Variants in SAMD11 observed in about 807,000 individuals in gnomAD.
SAMD11 encodes sterile alpha motif domain containing 11.
Under a neutral mutation model 64.4 loss-of-function variants are expected in SAMD11, and 77 were observed. That is an observed-to-expected ratio of 1.20 (90% CI 0.99 to 1.44). The LOEUF is 1.44. Among genes scored for constraint, SAMD11 ranks in the 40% most tolerant of loss-of-function variants. The probability of loss-of-function intolerance (pLI) is 0.00; values close to 1 mark genes in which losing one functional copy is unlikely to be tolerated. For synonymous variants in SAMD11, 658 were observed against 421.9 expected, an observed-to-expected ratio of 1.56 and a Z score of -6.86; for missense variants, 1,402 against 943.3, an observed-to-expected ratio of 1.49 and a Z score of -6.37.
intron 4 of SAMD11, among the ~76,000 whole-genome samples, chr1:933,943 T>C (rs13303207): frequency 0.95 from 73,905 of 77,414 alleles, 35,376 homozygotes; most frequent in Middle Eastern, 1. Flanking sequence ...GGTAGGCTCC[T>C]AGGTCACTGC....
Position 942,162 on chromosome 1 carries a change from T to C in SAMD11, c.1385T>C (p.Leu462Pro). 1 of 1,420,270 alleles carries C rather than the reference T, an allele frequency of 7.0e-7. No individual in the cohort carries two copies. The highest frequency in any genetic ancestry group is 9.3e-7 in the Non-Finnish European group (1 of 1,073,840). 88.0% of individuals were successfully genotyped at this position (1,420,270 alleles called of 1,614,324 possible). A position where few individuals can be genotyped will look rare whatever the true frequency, so the allele number is the denominator to read the frequency against. ...GAGCTGCCTCAGCCGCCCCCCTTGC[T>C]GTCGCCGCAGAATGCCCCTCACGTC... ...ERELPQPPPLLSPQNAPHVAL... is the reference protein window; with the variant it reads ...ERELPQPPPLPSPQNAPHVAL... Residue 462 changes from leucine (L) to proline (P), a missense_variant, in exon 9 of 14, where the codon CTG becomes CCG. By Grantham distance (98) the Leu-to-Pro change is moderately conservative. Coordinates refer to ENST00000616016, the MANE Select transcript of SAMD11 (RefSeq NM_001385641.1).
At chr1:942,315 C>G (rs985585983) in intron 9 of SAMD11, 64 bp downstream of exon 9, 6 of 1,064,374 alleles carry the variant, frequency 5.6e-6, no homozygotes, top group Non-Finnish European at 7.6e-6. Flanking sequence ...GGCCCTGCCC[C>G]TGTCGGAGCC....
chr1:935,684 A>G (rs1348490819), intron 4 of SAMD11, 88 bp from the exon 5 acceptor site: 1 of 1,562,014 alleles, frequency 6.4e-7, no homozygotes, highest in Non-Finnish European at 8.7e-7. Flanking sequence ...CCACGCTCAC[A>G]CACAGAGCTA....
chr1:924,825 C>G lies in SAMD11; in HGVS notation c.394C>G (p.Leu132Val), dbSNP rs1569854222. ...ANRALLYVRK[L>V]CQGSKGPSIR... ...CCGCGCGCTGCTCTACGTGCGCAAA[C>G]TCTGCCAGGGCAGCAAGGGCCCGTC... The change falls in exon 1 of 14, where the codon CTC becomes GTC. Residue 132 changes from leucine to valine, a missense_variant. Coordinates refer to ENST00000616016, the MANE Select transcript of SAMD11 (RefSeq NM_001385641.1). The G allele has an allele frequency of 6.6e-6, 1 of 152,238 alleles. No individual in the cohort carries two copies. The highest frequency in any genetic ancestry group is 6.5e-5 in the Admixed American group (1 of 15,286). 9.4% of individuals were successfully genotyped at this position (152,238 alleles called of 1,614,324 possible). A position where few individuals can be genotyped will look rare whatever the true frequency, so the allele number is the denominator to read the frequency against.
chr1:927,399 C>A (rs1486097972), intron 2 of SAMD11, among the ~76,000 whole-genome samples: 3 of 152,172 alleles, frequency 2.0e-5, no homozygotes, highest in Admixed American at 2.0e-4. Flanking sequence ...GACAGTGCTT[C>A]CGTGAGCATC....
chr1:943,674 A>ACCCTCCCT (rs749071104), intron 12 of SAMD11, 24 bp from the exon 13 acceptor site: 4 of 1,478,514 alleles, frequency 2.7e-6, no homozygotes, highest in Non-Finnish European at 3.7e-6. Context: ...CCGGGTCCTG[A>ACCCTCCCT]CCCTCCCTCC....
intron 2 of SAMD11, among the ~76,000 whole-genome samples, chr1:928,989 C>T (rs561576659): frequency 1.3e-5 from 2 of 152,304 alleles, no homozygotes; most frequent in African/African-American, 2.4e-5. Flanking sequence ...GGTGACTGAA[C>T]GGAGGAGGGA....
chr1:930,079 C>A, intron 2 of SAMD11, 76 bp from the exon 3 acceptor site: 1 of 1,478,028 alleles, frequency 6.8e-7, no homozygotes, highest in Non-Finnish European at 9.1e-7. Flanking sequence ...ACGGCCCGGT[C>A]CAGCCCCACC....
intron 4 of SAMD11, 21 bp from the exon 5 acceptor site, chr1:935,751 T>C: frequency 6.2e-7 from 1 of 1,612,862 alleles, no homozygotes; most frequent in Non-Finnish European, 8.5e-7. Flanking sequence ...GGGGTCAGCT[T>C]TTCCCGGTCT....
chr1:925,366 C>A (rs1386349866), intron 1 of SAMD11, among the ~76,000 whole-genome samples: 1 of 148,770 alleles, frequency 6.7e-6, no homozygotes, highest in Non-Finnish European at 1.5e-5. Context: ...CGCGGGGGCG[C>A]GCGCGGAGCC....
chr1:927,055 A>G (rs1640929016), intron 2 of SAMD11, among the ~76,000 whole-genome samples: 2 of 152,110 alleles, frequency 1.3e-5, no homozygotes, highest in Non-Finnish European at 2.9e-5. Flanking sequence ...GGTCCCTCAG[A>G]CATACAGCAT....
rs534726294 is a variant in SAMD11 at position 941,219 on chromosome 1, C to T, written c.1271C>T (p.Ser424Phe). Residue 424 changes from serine (S) to phenylalanine (F), a missense_variant, in exon 8 of 14, where the codon TCC becomes TTC. Physicochemically the swap from Ser to Phe is radical, Grantham distance 155. Coordinates refer to ENST00000616016, the MANE Select transcript of SAMD11 (RefSeq NM_001385641.1). ...GPSGLEAHLP[S>F]STAGQRRKQG... ...AGTGGCCTGGAAGCCCACCTGCCCT[C>T]CTCCACGGCAGGTCAGCGTCGGAAG... is the stretch of plus-strand genomic sequence containing the variant. 1.1e-5 allele frequency: 18 copies of T among 1,601,844 alleles called. No individual in the cohort carries two copies. The highest frequency in any genetic ancestry group is 8.5e-5 in the Admixed American group (5 of 58,762).
At chr1:929,124 G>A (rs1272551162) in intron 2 of SAMD11, among the ~76,000 whole-genome samples, 2 of 152,360 alleles carry the variant, frequency 1.3e-5, no homozygotes, top group African/African-American at 4.8e-5. Context: ...GGGGTGGCAG[G>A]ACCTAGAAAC....
Position 942,150 on chromosome 1 carries a change from C to A in SAMD11, c.1373C>A (p.Pro458Gln), listed in dbSNP as rs1331902306. ...GCCGTCCACAGGGAGCTGCCTCAGC[C>A]GCCCCCCTTGCTGTCGCCGCAGAAT... Reference protein sequence around the residue: ...PSFSERELPQPPPLLSPQNAP... With the variant: ...PSFSERELPQQPPLLSPQNAP... Residue 458 changes from proline to glutamine, a missense_variant, in exon 9 of 14, where the codon CCG becomes CAG. Pro to Gln is a moderately conservative substitution (Grantham distance 76). Coordinates refer to ENST00000616016, the MANE Select transcript of SAMD11 (RefSeq NM_001385641.1). 2 of 1,363,364 alleles carry A rather than the reference C, an allele frequency of 1.5e-6. No individual in the cohort carries two copies. The highest frequency in any genetic ancestry group is 2.0e-6 in the Non-Finnish European group (2 of 1,022,156). 84.5% of individuals were successfully genotyped at this position (1,363,364 alleles called of 1,614,324 possible). A position where few individuals can be genotyped will look rare whatever the true frequency, so the allele number is the denominator to read the frequency against.
Position 942,704 on chromosome 1 carries a change from G to A in SAMD11, c.1699G>A (p.Ala567Thr), listed in dbSNP as rs1641862000. The change falls in exon 11 of 14, where the codon GCG becomes ACG. Residue 567 changes from alanine to threonine, a missense_variant. Physicochemically the swap from Ala to Thr is moderately conservative, Grantham distance 58. Coordinates refer to ENST00000616016, the MANE Select transcript of SAMD11 (RefSeq NM_001385641.1). The stretch of plus-strand genomic sequence containing the variant: ...GGCCCTGCTGGTGCTGAACCACGGC[G>A]CGGCGCCACTGCTGGCCCTGCCCCC... The part of the protein sequence containing the change: ...RGALLVLNHG[A>T]APLLALPPQG... 2 of 1,440,740 alleles carry A rather than the reference G, an allele frequency of 1.4e-6. No homozygotes were observed. The highest frequency in any genetic ancestry group is 9.0e-7 in the Non-Finnish European group (1 of 1,108,462). 89.2% of individuals were successfully genotyped at this position (1,440,740 alleles called of 1,614,324 possible).
At chr1:925,856 C>A in intron 1 of SAMD11, 66 bp from the exon 2 acceptor site, 1 of 1,190,544 alleles carries the variant, frequency 8.4e-7, no homozygotes, top group Non-Finnish European at 1.2e-6. Flanking sequence ...GGGTACTGGC[C>A]CTGCCGCTGA....
In SAMD11 at chr1:942,941, G is replaced by A. The variant is rs760495456; in HGVS notation, c.1936G>A (p.Gly646Arg). ...DPETAAVGCR[G>R]PTPGQAPAGG... ...CGAGACGGCAGCTGTTGGGTGCAGG[G>A]GGCCCACTCCGGGCCAAGCTCCAGC... Residue 646 changes from glycine to arginine, a missense_variant, in exon 11 of 14, where the codon GGG becomes AGG. Coordinates refer to ENST00000616016, the MANE Select transcript of SAMD11 (RefSeq NM_001385641.1). 9 of 1,551,928 alleles carry A rather than the reference G, an allele frequency of 5.8e-6. No individual in the cohort carries two copies. The highest frequency in any genetic ancestry group is 4.7e-5 in the South Asian group (4 of 84,252).
At chr1:928,717 A>T (rs1009703897) in intron 2 of SAMD11, among the ~76,000 whole-genome samples, 16 of 152,166 alleles carry the variant, frequency 1.1e-4, no homozygotes, top group African/African-American at 3.6e-4. Context: ...TGTCGTGGAG[A>T]GAGCAGAGGG....
rs748139871 is a variant in SAMD11, at chr1:942,265, T to G, written c.1474+14T>G. On this transcript the variant is annotated intron_variant, in intron 9 of 13. Coordinates refer to ENST00000616016, the MANE Select transcript of SAMD11 (RefSeq NM_001385641.1). Reference sequence around the variant, plus strand: ...GCCAGACCCCAGGTGAGGAGGCGGGTGCGCATCCCCTGGGAGCCCGCGTGG... The same window carrying G: ...GCCAGACCCCAGGTGAGGAGGCGGGGGCGCATCCCCTGGGAGCCCGCGTGG... 1,305 of 1,109,836 alleles carry G rather than the reference T, an allele frequency of 1.2e-3. 4 individuals are homozygous for G. Among genetic ancestry groups the G allele is most frequent in the Non-Finnish European group, 1.3e-3 (1,109 of 833,530 alleles). 68.7% of individuals were successfully genotyped at this position (1,109,836 alleles called of 1,614,324 possible). A position where few individuals can be genotyped will look rare whatever the true frequency, so the allele number is the denominator to read the frequency against.
Sources: allele counts gnomAD v4.1 joint callset (sites outside exome capture counted in the v4.1 genomes callset), GRCh38; gene constraint gnomAD v4.1.1; transcripts MANE v1.5; gene names NCBI Gene and HGNC (gene_info 2026-07-23, HGNC 2026-07-21).